CTNNA3: variants seen among roughly 807,000 people sequenced by gnomAD.
CTNNA3 encodes catenin alpha-3.
In CTNNA3, 76 loss-of-function variants were observed where a neutral mutation model predicts 95.7. That is an observed-to-expected ratio of 0.79 (90% CI 0.66 to 0.96). The LOEUF is 0.96. Ranked by LOEUF, CTNNA3 falls within the 40% of genes least tolerant of loss-of-function variation. The pLI is 0.00. For synonymous variants in CTNNA3, 431 were observed against 374.4 expected, an observed-to-expected ratio of 1.15 and a Z score of -1.74; for missense variants, 1,191 against 1,089.8, an observed-to-expected ratio of 1.09 and a Z score of -1.31.
intron 7 of CTNNA3, among the ~76,000 whole-genome samples, chr10:66,966,446 G>T (rs909919929): frequency 4.0e-5 from 6 of 150,640 alleles, no homozygotes; most frequent in Non-Finnish European, 5.9e-5. Flanking sequence ...TCATTTTAAA[G>T]AATTAATATG....
intron 12 of CTNNA3, among the ~76,000 whole-genome samples, chr10:66,344,668 T>C (rs1338217168): frequency 3.3e-5 from 5 of 152,148 alleles, no homozygotes; most frequent in African/African-American, 1.2e-4. Context: ...ACTACCCTTA[T>C]GATCTAAAGT....
chr10:66,654,027 C>T (rs1349754376), intron 9 of CTNNA3, among the ~76,000 whole-genome samples: 1 of 152,016 alleles, frequency 6.6e-6, no homozygotes, highest in Non-Finnish European at 1.5e-5. Flanking sequence ...AGAGGAAAAT[C>T]TCCATGACAT....
At chr10:66,952,938 G>A (rs1000052119) in intron 7 of CTNNA3, among the ~76,000 whole-genome samples, 1 of 151,942 alleles carries the variant, frequency 6.6e-6, no homozygotes, top group South Asian at 2.1e-4. Context: ...AGAATGCAAG[G>A]TATCCTTTGA....
chr10:66,463,222 A>G (rs544263043), intron 11 of CTNNA3, among the ~76,000 whole-genome samples: 1 of 152,252 alleles, frequency 6.6e-6, no homozygotes, highest in South Asian at 2.1e-4. Flanking sequence ...CAGAACCTTC[A>G]TGAATGGCCT....
chr10:66,228,323 C>T (rs1182023126), intron 13 of CTNNA3, among the ~76,000 whole-genome samples: 3 of 151,944 alleles, frequency 2.0e-5, no homozygotes, highest in African/African-American at 7.2e-5. Flanking sequence ...TATATTACTA[C>T]TGCTTTTGCT....
chr10:67,508,671 TA>T (rs1354402733), intron 5 of CTNNA3, among the ~76,000 whole-genome samples: 1 of 151,900 alleles, frequency 6.6e-6, no homozygotes, highest in African/African-American at 2.4e-5. Context: ...TATATCAAAC[TA>T]AAAAGTTTCT....
intron 11 of CTNNA3, among the ~76,000 whole-genome samples, chr10:66,392,007 G>A: frequency 6.6e-6 from 1 of 151,968 alleles, no homozygotes; most frequent in East Asian, 1.9e-4. Context: ...GAAACTCTAG[G>A]TGATCTTGGG....
chr10:66,530,055 A>G (rs1841413253), intron 10 of CTNNA3, among the ~76,000 whole-genome samples: 1 of 152,142 alleles, frequency 6.6e-6, no homozygotes, highest in Non-Finnish European at 1.5e-5. Flanking sequence ...TTCTAAAAAC[A>G]ATTACTTAAA....
At chr10:66,171,091 C>CACTG (rs2085402468) in intron 13 of CTNNA3, among the ~76,000 whole-genome samples, 2 of 151,942 alleles carry the variant, frequency 1.3e-5, no homozygotes, top group Non-Finnish European at 2.9e-5. Flanking sequence ...CGAGATGGAG[C>CACTG]CACTGCACTC....
chr10:66,510,527 G>GA (rs1315489146), intron 11 of CTNNA3, among the ~76,000 whole-genome samples: 1 of 150,742 alleles, frequency 6.6e-6, no homozygotes, highest in African/African-American at 2.4e-5. Flanking sequence ...TGTTAGCCAT[G>GA]GGTTTGTCAT....
chr10:67,328,547 C>T (rs1362448470), intron 5 of CTNNA3, among the ~76,000 whole-genome samples: 1 of 152,202 alleles, frequency 6.6e-6, no homozygotes, highest in Non-Finnish European at 1.5e-5. Flanking sequence ...CAAGGGGTCT[C>T]CCCCTGCCAG....
intron 7 of CTNNA3, among the ~76,000 whole-genome samples, chr10:67,112,002 T>G (rs1265476688): frequency 6.6e-6 from 1 of 152,098 alleles, no homozygotes; most frequent in African/African-American, 2.4e-5. Flanking sequence ...TTCAGTAATT[T>G]TTAGCCTCCC....
chr10:66,642,255 T>TACAC (rs745693900), intron 9 of CTNNA3, among the ~76,000 whole-genome samples: 9 of 114,708 alleles, frequency 7.8e-5, no homozygotes, highest in Non-Finnish European at 1.4e-4. Context: ...TTCTTTAAAA[T>TACAC]ACACACACAC....
At chr10:66,575,236 G>A (rs1842972729) in intron 10 of CTNNA3, among the ~76,000 whole-genome samples, 1 of 152,060 alleles carries the variant, frequency 6.6e-6, no homozygotes, top group Admixed American at 6.6e-5. Context: ...TGAGGTAAAT[G>A]TAACTACTAT....
At chr10:66,739,513 G>C (rs939333874) in intron 9 of CTNNA3, among the ~76,000 whole-genome samples, 1 of 152,110 alleles carries the variant, frequency 6.6e-6, no homozygotes, top group South Asian at 2.1e-4. Flanking sequence ...AGCATCCACA[G>C]CTAGTGATTT....
chr10:66,397,399 T>A (rs954483837), intron 11 of CTNNA3, among the ~76,000 whole-genome samples: 1 of 151,774 alleles, frequency 6.6e-6, no homozygotes, highest in African/African-American at 2.4e-5. Context: ...AAGCTTAACA[T>A]CCTTAGTTCT....
At chr10:66,938,794 T>C (rs577489212) in intron 7 of CTNNA3, among the ~76,000 whole-genome samples, 4 of 152,194 alleles carry the variant, frequency 2.6e-5, no homozygotes, top group Non-Finnish European at 5.9e-5. Context: ...TGGAGGGATA[T>C]GTTAAAGGGA....
chr10:66,875,042 G>A (rs1844562939), intron 7 of CTNNA3, among the ~76,000 whole-genome samples: 1 of 152,162 alleles, frequency 6.6e-6, no homozygotes, highest in Admixed American at 6.6e-5. Context: ...TCCTATCATA[G>A]GTGGATTAGA....
chr10:67,614,074 T>C (rs2133394207), intron 2 of CTNNA3, among the ~76,000 whole-genome samples: 1 of 152,350 alleles, frequency 6.6e-6, no homozygotes, highest in Middle Eastern at 3.4e-3. Flanking sequence ...AGGTTGCCAC[T>C]GCTGGCTGGA....
Sources: allele counts gnomAD v4.1 joint callset (sites outside exome capture counted in the v4.1 genomes callset), GRCh38; gene constraint gnomAD v4.1.1; transcripts MANE v1.5; gene names NCBI Gene and HGNC (gene_info 2026-07-23, HGNC 2026-07-21).